The following SLC25A13 variants were observed in gnomAD, a reference collection of about 807,000 sequenced individuals.
SLC25A13 encodes electrogenic aspartate/glutamate antiporter SLC25A13, mitochondrial.
In SLC25A13, 70 loss-of-function variants were observed where a neutral mutation model predicts 85.5. That is an observed-to-expected ratio of 0.82 (90% confidence interval 0.68 to 1.00). The LOEUF is 1.00. Among genes scored for constraint, SLC25A13 ranks in the 50% least tolerant of loss-of-function variants. The pLI is 0.00. For synonymous variants in SLC25A13, 259 were observed against 288.7 expected (o/e 0.90, Z 1.04); for missense variants, 765 against 819.8 (o/e 0.93, Z 0.82).
At chr7:96,144,923 T>C (rs1262828009) in intron 14 of SLC25A13, among the ~76,000 whole-genome samples, 1 of 152,168 alleles carries the variant, frequency 6.6e-6, no homozygotes, top group Non-Finnish European at 1.5e-5. Flanking sequence ...AGACAACCCA[T>C]TGAAAGACTC....
chr7:96,219,535 GC>G (rs1796023022), intron 4 of SLC25A13: 1 of 355,928 alleles, frequency 2.8e-6, no homozygotes, highest in Non-Finnish European at 5.7e-6. Context: ...TCCCCTCTGG[GC>G]CTGTTTCCTC....
chr7:96,196,472 G>C (rs1029914910), intron 5 of SLC25A13, among the ~76,000 whole-genome samples: 2 of 152,196 alleles, frequency 1.3e-5, no homozygotes, highest in African/African-American at 2.4e-5. Context: ...CAGAATTCCA[G>C]ATTGGGAATG....
chr7:96,311,447 C>T (rs1799945555), intron 1 of SLC25A13, among the ~76,000 whole-genome samples: 1 of 152,118 alleles, frequency 6.6e-6, no homozygotes, highest in African/African-American at 2.4e-5. Context: ...AGCAACACCA[C>T]AAAGACGTAA....
intron 15 of SLC25A13, among the ~76,000 whole-genome samples, chr7:96,126,186 A>G (rs566199365): frequency 2.0e-5 from 3 of 152,294 alleles, no homozygotes; most frequent in Admixed American, 2.0e-4. Context: ...GGCTTTGTGT[A>G]ACTGGGTGCA....
intron 4 of SLC25A13, among the ~76,000 whole-genome samples, chr7:96,226,663 AAAAAG>A (rs1003368803): frequency 3.1e-4 from 47 of 152,078 alleles, no homozygotes; most frequent in Admixed American, 3.9e-4. Context: ...TAACACCATA[AAAAAG>A]AAAAGAAAGA....
At chr7:96,239,364 TTA>T (rs530704741) in intron 3 of SLC25A13, among the ~76,000 whole-genome samples, 12 of 149,338 alleles carry the variant, frequency 8.0e-5, no homozygotes, top group African/African-American at 1.2e-4. Context: ...CTAAAAATGT[TTA>T]TATATATATA....
intron 1 of SLC25A13, among the ~76,000 whole-genome samples, chr7:96,320,289 G>A (rs1166113005): frequency 1.3e-5 from 2 of 152,180 alleles, no homozygotes; most frequent in East Asian, 1.9e-4. Context: ...TTACAGGCAT[G>A]AGCCACAGCA....
chr7:96,265,017 G>A (rs1408665156), intron 3 of SLC25A13, among the ~76,000 whole-genome samples: 1 of 152,216 alleles, frequency 6.6e-6, no homozygotes, highest in African/African-American at 2.4e-5. Context: ...CAGATTCATA[G>A]TTAGAAAAGA....
intron 13 of SLC25A13, among the ~76,000 whole-genome samples, chr7:96,152,436 G>A (rs1007452): frequency 0.43 from 65,764 of 152,014 alleles, 14,391 homozygotes; most frequent in East Asian, 0.6. Flanking sequence ...AATTAGAACA[G>A]TCATATCTAT....
At chr7:96,156,872 T>C (rs186859286) in intron 13 of SLC25A13, among the ~76,000 whole-genome samples, 2 of 152,268 alleles carry the variant, frequency 1.3e-5, no homozygotes, top group Admixed American at 1.3e-4. Context: ...GGCTCAAAAA[T>C]ATATAACTAG....
chr7:96,201,410 G>A (rs1271805293), intron 5 of SLC25A13, among the ~76,000 whole-genome samples: 1 of 151,678 alleles, frequency 6.6e-6, no homozygotes, highest in African/African-American at 2.4e-5. Context: ...TACTCCAGAG[G>A]CTGAGGCAGG....
chr7:96,219,479 A>G (rs923462212), intron 4 of SLC25A13, among the ~76,000 whole-genome samples: 9 of 152,198 alleles, frequency 5.9e-5, no homozygotes, highest in African/African-American at 2.2e-4. Context: ...CTATCCTTCT[A>G]GTGCCAGAAG....
At chr7:96,154,437 C>T (rs1015966319) in intron 13 of SLC25A13, among the ~76,000 whole-genome samples, 1 of 151,934 alleles carries the variant, frequency 6.6e-6, no homozygotes, top group Non-Finnish European at 1.5e-5. Context: ...GCTGGGACTA[C>T]AGGTGCGTGC....
chr7:96,223,575 C>T (rs954358199), intron 4 of SLC25A13, among the ~76,000 whole-genome samples: 2 of 152,044 alleles, frequency 1.3e-5, no homozygotes, highest in African/African-American at 4.8e-5. Flanking sequence ...ATTGCCTCAG[C>T]TCAGGAGTTC....
chr7:96,173,626 ACCAGTCTCAGATTCCTGG>A (rs1794099152), intron 11 of SLC25A13, among the ~76,000 whole-genome samples: 1 of 152,094 alleles, frequency 6.6e-6, no homozygotes, highest in Non-Finnish European at 1.5e-5. Flanking sequence ...TGTTGCCCAG[ACCAGTCTCAGATTCCTGG>A]CCTCAAGCAA....
intron 3 of SLC25A13, among the ~76,000 whole-genome samples, chr7:96,262,017 G>A (rs924404108): frequency 2.0e-5 from 3 of 152,134 alleles, no homozygotes; most frequent in Non-Finnish European, 2.9e-5. Flanking sequence ...TCCCAACACC[G>A]TTGCAATAGA....
At chr7:96,190,068 C>G (rs1248294856) in intron 7 of SLC25A13, among the ~76,000 whole-genome samples, 1 of 149,934 alleles carries the variant, frequency 6.7e-6, no homozygotes, top group African/African-American at 2.5e-5. Flanking sequence ...TGTGGAATTC[C>G]TAAGGGAATT....
intron 5 of SLC25A13, 129 bp downstream of exon 5, chr7:96,208,709 G>T: frequency 9.6e-7 from 1 of 1,045,356 alleles, no homozygotes; most frequent in Non-Finnish European, 1.5e-6. Context: ...GTTTCACCAT[G>T]TTGGCCAGGA....
chr7:96,193,311 C>A, intron 5 of SLC25A13, 128 bp from the exon 6 acceptor site: 1 of 1,061,536 alleles, frequency 9.4e-7, no homozygotes, highest in Non-Finnish European at 1.4e-6. Flanking sequence ...CCCTCATCTG[C>A]CTAATAGCAC....
Sources: gnomAD v4.1 joint callset for allele counts (sites outside exome capture counted in the v4.1 genomes callset) on GRCh38, gnomAD v4.1.1 for gene constraint, MANE v1.5 for transcripts, NCBI Gene and HGNC (gene_info 2026-07-23, HGNC 2026-07-21) for gene names.